GLIS3: variants seen among roughly 807,000 people sequenced by gnomAD.
GLIS3 encodes GLIS family zinc finger 3.
GLIS3 carries 53 observed loss-of-function variants against 78.6 expected under a neutral mutation model. The ratio of observed to expected loss-of-function variants is 0.67; its 90% CI spans 0.54 to 0.85. The LOEUF (loss-of-function observed/expected upper bound fraction) is 0.85, where lower values mean the gene tolerates loss of function less well. Among genes scored for constraint, GLIS3 ranks in the 40% least tolerant of loss-of-function variants. The probability of loss-of-function intolerance (pLI) is 0.00; values close to 1 mark genes in which losing one functional copy is unlikely to be tolerated. For synonymous variants in GLIS3, 684 were observed against 509.9 expected (o/e 1.34, Z -4.60); for missense variants, 1,703 against 1,231.1 (o/e 1.38, Z -5.74).
At chr9:4,049,313 A>T (rs1308902072) in intron 4 of GLIS3, among the ~76,000 whole-genome samples, 2 of 152,160 alleles carry the variant, frequency 1.3e-5, no homozygotes, top group African/African-American at 4.8e-5. Context: ...TGGCCTGGCC[A>T]TCTGGACTAC....
At position 4,132,873 on chromosome 9, in the gene GLIS3, C is replaced by T. The variant is rs572082330; in HGVS notation, c.389-6932G>A. 3.9e-5 allele frequency among the ~76,000 whole-genome samples: 6 copies of T among 152,162 alleles called. No individual in the cohort carries two copies. The East Asian group carries it at 1.2e-3, about 29-fold the overall frequency. ...GAGTCTTGCCTCCCGCCCTTACTGG[C>T]TGTGTGATATCAGGAAGGTCCTTAA... is the stretch of plus-strand genomic sequence containing the variant. On this transcript the variant is annotated intron_variant, in intron 2 of 10. Transcript: ENST00000381971.
intron 2 of GLIS3, among the ~76,000 whole-genome samples, chr9:4,345,782 A>G (rs898982918): frequency 6.6e-6 from 1 of 152,234 alleles, no homozygotes; most frequent in South Asian, 2.1e-4. Context: ...AGATAAAGCA[A>G]AAAGAGCTGA....
the GLIS3 span, among the ~76,000 whole-genome samples, chr9:4,486,797 C>T: frequency 6.6e-6 from 1 of 152,192 alleles, no homozygotes; most frequent in Non-Finnish European, 1.5e-5. Flanking sequence ...TCAAGCCATC[C>T]TCTTGCCTCA....
intron 4 of GLIS3, among the ~76,000 whole-genome samples, chr9:4,050,341 G>T (rs527858959): frequency 3.3e-5 from 5 of 152,146 alleles, no homozygotes; most frequent in East Asian, 3.9e-4. Flanking sequence ...GTAAACTATC[G>T]CAAGGACAGA....
the GLIS3 span, among the ~76,000 whole-genome samples, chr9:4,405,342 G>T: frequency 1.4e-5 from 2 of 144,756 alleles, no homozygotes; most frequent in African/African-American, 5.3e-5. Context: ...CAGTAAGAGC[G>T]AAACTCCATC....
At chr9:4,067,654 C>G (rs1485549531) in intron 4 of GLIS3, among the ~76,000 whole-genome samples, 1 of 151,994 alleles carries the variant, frequency 6.6e-6, no homozygotes, top group African/African-American at 2.4e-5. Flanking sequence ...CAAACACTCA[C>G]AAAGGGGGAA....
intron 4 of GLIS3, among the ~76,000 whole-genome samples, chr9:3,960,053 C>A (rs561722914): frequency 4.9e-4 from 75 of 152,260 alleles, no homozygotes; most frequent in Non-Finnish European, 9.3e-4. Flanking sequence ...AGAAGAATTG[C>A]TTGAACCGAG....
Position 4,192,273 on chromosome 9 carries a change from G to C in GLIS3, c.389-66332C>G, listed in dbSNP as rs552318649. ...ACAGTGCCAGAAAATGTCTTTTAGA[G>C]TTTCTTGAGATGAAATGTGGGCTTA... is the stretch of plus-strand genomic sequence containing the variant. On this transcript the variant is annotated intron_variant, in intron 2 of 10. Coordinates refer to ENST00000381971, the MANE Select transcript of GLIS3 (RefSeq NM_001042413.2). Among the ~76,000 whole-genome samples the C allele has an allele frequency of 5.3e-5, 8 of 152,282 alleles. No individual in the cohort carries two copies. In the South Asian group the frequency reaches 1.7e-3, roughly 32 times the overall value.
At chr9:4,276,430 AGGG>A (rs1418416902) in intron 2 of GLIS3, among the ~76,000 whole-genome samples, 3 of 5,106 alleles carry the variant, frequency 5.9e-4, no homozygotes, top group Admixed American at 1.9e-3. Context: ...AGGGGAGGGA[AGGG>A]GACGGGAGGG....
chr9:4,297,949 C>G (rs910276635), intron 1 of GLIS3, among the ~76,000 whole-genome samples: 1 of 151,658 alleles, frequency 6.6e-6, no homozygotes, highest in Non-Finnish European at 1.5e-5. Flanking sequence ...AGGGGCGGGT[C>G]CGGAGGCGGA....
intron 4 of GLIS3, among the ~76,000 whole-genome samples, chr9:4,053,098 C>T (rs778034748): frequency 2.4e-4 from 36 of 152,136 alleles, no homozygotes; most frequent in Non-Finnish European, 4.4e-4. Flanking sequence ...CAGGCGCACA[C>T]CCCCACATCT....
At chr9:4,114,027 C>A (rs1020617319) in intron 4 of GLIS3, among the ~76,000 whole-genome samples, 1 of 61,198 alleles carries the variant, frequency 1.6e-5, no homozygotes, top group East Asian at 7.2e-4. Context: ...GGCCCACGTT[C>A]CCCCAATTCC....
the GLIS3 span, among the ~76,000 whole-genome samples, chr9:4,369,286 T>G: frequency 6.6e-6 from 1 of 152,186 alleles, no homozygotes; most frequent in South Asian, 2.1e-4. Flanking sequence ...CTTTCTAACC[T>G]AATTCTTTTC....
chr9:4,416,018 G>T, the GLIS3 span, among the ~76,000 whole-genome samples: 4 of 149,872 alleles, frequency 2.7e-5, no homozygotes, highest in African/African-American at 9.8e-5. Context: ...TAAATATATA[G>T]ATGTATATAT....
intron 2 of GLIS3, among the ~76,000 whole-genome samples, chr9:4,327,831 G>C (rs998781581): frequency 6.6e-6 from 1 of 152,160 alleles, no homozygotes; most frequent in Non-Finnish European, 1.5e-5. Context: ...GTCACTCCTC[G>C]AGGTGCATCT....
chr9:4,408,982 C>T, the GLIS3 span, among the ~76,000 whole-genome samples: 1 of 151,382 alleles, frequency 6.6e-6, no homozygotes, highest in African/African-American at 2.4e-5. Flanking sequence ...TATGTACCCA[C>T]AAAAAATAAA....
chr9:4,124,422 A>G (rs1832413790), intron 3 of GLIS3, among the ~76,000 whole-genome samples: 1 of 152,204 alleles, frequency 6.6e-6, no homozygotes. Context: ...ACCGTTAATT[A>G]TACTTCTGCC....
Position 3,978,686 on chromosome 9 carries a change from G to A in GLIS3, c.1711-41497C>T, listed in dbSNP as rs550591900. On this transcript the variant is annotated intron_variant, in intron 4 of 10. Transcript: ENST00000381971. The stretch of plus-strand genomic sequence containing the variant: ...ATGAACATGTACTTTCTATATATGA[G>A]TATGTATTATACACACACACTATAT... Among the ~76,000 whole-genome samples the A allele has an allele frequency of 2.0e-5, 3 of 151,766 alleles. No homozygotes were observed. In the East Asian group the frequency reaches 5.8e-4, roughly 29 times the overall value.
At chr9:4,279,024 G>A (rs2130258415) in intron 2 of GLIS3, among the ~76,000 whole-genome samples, 1 of 152,132 alleles carries the variant, frequency 6.6e-6, no homozygotes, top group East Asian at 1.9e-4. Context: ...CAGCGTGGCT[G>A]GGCACGGTGG....
Sources: allele counts gnomAD v4.1 joint callset (sites outside exome capture counted in the v4.1 genomes callset), GRCh38; gene constraint gnomAD v4.1.1; transcripts MANE v1.5; gene names NCBI Gene and HGNC (gene_info 2026-07-23, HGNC 2026-07-21).